ADGRF3: variants seen among roughly 807,000 people sequenced by gnomAD.
ADGRF3 encodes the protein adhesion G protein-coupled receptor F3.
In ADGRF3, 85 loss-of-function variants were observed where a neutral mutation model predicts 93.2. That is an observed-to-expected ratio of 0.91 (90% CI 0.77 to 1.09). The LOEUF (loss-of-function observed/expected upper bound fraction) is 1.09, where lower values mean the gene tolerates loss of function less well. Ranked by LOEUF, ADGRF3 falls within the 50% of genes least tolerant of loss-of-function variation. The pLI is 0.00. For synonymous variants in ADGRF3, 534 were observed against 532.5 expected, an observed-to-expected ratio of 1.00 and a Z score of -0.04; for missense variants, 1,125 against 1,246.2, an observed-to-expected ratio of 0.90 and a Z score of 1.46.
intron 1 of ADGRF3, among the ~76,000 whole-genome samples, chr2:26,332,033 G>A (rs1675798050): frequency 2.0e-5 from 3 of 151,826 alleles, no homozygotes; most frequent in Admixed American, 1.3e-4. Flanking sequence ...TTAGCTTTTA[G>A]TTACACATAT....
At chr2:26,333,828 A>G (rs1675894067) in intron 1 of ADGRF3, among the ~76,000 whole-genome samples, 1 of 152,072 alleles carries the variant, frequency 6.6e-6, no homozygotes, top group African/African-American at 2.4e-5. Flanking sequence ...TATTTTATTT[A>G]CTATTTTTTT....
chr2:26,335,704 G>A (rs571125533), intron 1 of ADGRF3, among the ~76,000 whole-genome samples: 5 of 151,190 alleles, frequency 3.3e-5, no homozygotes, highest in African/African-American at 1.2e-4. Flanking sequence ...TGTATCTTAC[G>A]ACATTAATTT....
At chr2:26,320,742 A>G (rs563480929) in intron 1 of ADGRF3, among the ~76,000 whole-genome samples, 5 of 152,326 alleles carry the variant, frequency 3.3e-5, no homozygotes, top group South Asian at 2.1e-4. Context: ...CAAAATGTCT[A>G]TTAAAAAGGG....
intron 3 of ADGRF3, 127 bp downstream of exon 3, chr2:26,316,785 G>A: frequency 1.9e-6 from 2 of 1,066,010 alleles, no homozygotes. Flanking sequence ...GGGCCACGGA[G>A]ACAGAACCAG....
At chr2:26,316,822 G>C (rs1328036818) in intron 3 of ADGRF3, 90 bp downstream of exon 3, 2 of 1,389,702 alleles carry the variant, frequency 1.4e-6, no homozygotes, top group Admixed American at 4.9e-5. Context: ...GAAATACAGA[G>C]GGGCTCACAG....
intron 1 of ADGRF3, among the ~76,000 whole-genome samples, chr2:26,324,415 G>T (rs543645427): frequency 6.6e-6 from 1 of 152,126 alleles, no homozygotes; most frequent in Admixed American, 6.5e-5. Context: ...GAGTCATGGA[G>T]GTTTGTTGTA....
intron 1 of ADGRF3, among the ~76,000 whole-genome samples, chr2:26,323,189 G>A (rs1426432442): frequency 6.6e-6 from 1 of 152,050 alleles, no homozygotes; most frequent in African/African-American, 2.4e-5. Flanking sequence ...ACAGTCTTAT[G>A]GACCGATCAG....
chr2:26,343,222 G>A (rs1676487580), intron 1 of ADGRF3, among the ~76,000 whole-genome samples: 1 of 151,996 alleles, frequency 6.6e-6, no homozygotes, highest in African/African-American at 2.4e-5. Context: ...ACGGAAACAT[G>A]GTTATATGGA....
intron 1 of ADGRF3, among the ~76,000 whole-genome samples, chr2:26,337,971 C>T (rs563104919): frequency 2.6e-5 from 4 of 152,110 alleles, no homozygotes; most frequent in South Asian, 2.1e-4. Context: ...TGCAGTGAGC[C>T]GAGATCGTGC....
At chr2:26,319,598 C>A (rs1256568110) in intron 1 of ADGRF3, among the ~76,000 whole-genome samples, 1 of 82,108 alleles carries the variant, frequency 1.2e-5, no homozygotes, top group East Asian at 5.2e-4. Flanking sequence ...TTCCTTCCTT[C>A]CTTCCTTCCT....
Position 26,311,288 on chromosome 2 carries a change from T to C in ADGRF3, c.2236A>G (p.Asn746Asp). Residue 746 changes from asparagine to aspartate, a missense_variant, in exon 10 of 14, where the codon AAC becomes GAC. Asn to Asp is a conservative substitution (Grantham distance 23). Transcript: ENST00000651242. ...ISYFRHAALL[N>D]MVFCLLAADT... ...GCGGCCAGCAAGCAGAACACCATGTTGAGCAGGGCGGCGTGGCGGAAATAG... is the reference window on the plus strand; with the variant it reads ...GCGGCCAGCAAGCAGAACACCATGTCGAGCAGGGCGGCGTGGCGGAAATAG... 6.2e-7 allele frequency: 1 copy of C among 1,613,784 alleles called. No individual in the cohort carries two copies. Among genetic ancestry groups the C allele is most frequent in the Non-Finnish European group, 8.5e-7 (1 of 1,179,836 alleles).
Position 26,314,615 on chromosome 2 carries a change from T to C in ADGRF3, c.727A>G (p.Met243Val), listed in dbSNP as rs377194507. ...AAGCCCTGGGCCTCGAAGCAGCTCA[T>C]GTACTCACCTGCAGAAACGTGTGTG... The part of the protein sequence containing the change: ...NMSHHWAGEY[M>V]SCFEAQGFKW... The change falls in exon 6 of 14, where the codon ATG becomes GTG. Residue 243 changes from methionine (M) to valine (V), a missense_variant. Physicochemically the swap from Met to Val is conservative, Grantham distance 21. Coordinates refer to ENST00000651242, the MANE Select transcript of ADGRF3 (RefSeq NM_001321971.2). The C allele has an allele frequency of 4.3e-6, 7 of 1,613,662 alleles. No individual in the cohort carries two copies. Among genetic ancestry groups the C allele is most frequent in the Middle Eastern group, 1.6e-4 (1 of 6,084 alleles).
intron 9 of ADGRF3, among the ~76,000 whole-genome samples, chr2:26,312,739 T>C (rs1674292553): frequency 6.6e-6 from 1 of 152,190 alleles, no homozygotes; most frequent in Non-Finnish European, 1.5e-5. Flanking sequence ...AACCCCCATG[T>C]GCTCCCAGCG....
intron 1 of ADGRF3, among the ~76,000 whole-genome samples, chr2:26,341,450 C>A (rs1300660767): frequency 6.6e-6 from 1 of 152,090 alleles, no homozygotes; most frequent in Non-Finnish European, 1.5e-5. Context: ...CATCCTCCCC[C>A]AGCAACATAG....
In ADGRF3 at chr2:26,311,243, C is replaced by T. The variant is rs148498081; in HGVS notation, c.2281G>A (p.Ala761Thr). 7.0e-5 allele frequency: 112 copies of T among 1,609,364 alleles called. 1 individual carries two copies. Among genetic ancestry groups the T allele is most frequent in the South Asian group, 5.3e-4 (48 of 90,428 alleles). Residue 761 changes from alanine (A) to threonine (T), a missense_variant, in exon 10 of 14, where the codon GCC (alanine) becomes ACC (threonine). Transcript: ENST00000651242. ...CGGGGCCCTGGAGAGAGGAATGGGG[C>T]GCCCAGGAAGCAAGTGTCTGCGGCC... ...LLAADTCFLGAPFLSPGPRSP... is the reference protein window; with the variant it reads ...LLAADTCFLGTPFLSPGPRSP...
rs752261145 is a variant in ADGRF3, at chr2:26,310,083, C to G, written c.2897G>C (p.Arg966Pro). The G allele has an allele frequency of 2.7e-5, 44 of 1,613,912 alleles. No individual in the cohort carries two copies. The highest frequency in any genetic ancestry group is 3.7e-5 in the Non-Finnish European group (44 of 1,179,900). Residue 966 changes from arginine to proline, a missense_variant, in exon 12 of 14, where the codon CGC (arginine) becomes CCC (proline). Transcript: ENST00000651242. ...DRKIQEALRK[R>P]FCRAQAPSST... ...GCTGGGGGCTTGGGCGCGGCAGAAG[C>G]GTTTGCGCAAAGCTTCTTGTATCTG... is the stretch of plus-strand genomic sequence containing the variant.
At chr2:26,319,515 T>A (rs1674979192) in intron 1 of ADGRF3, among the ~76,000 whole-genome samples, 1 of 130,096 alleles carries the variant, frequency 7.7e-6, no homozygotes, top group Admixed American at 7.8e-5. Flanking sequence ...TAGACTAGAA[T>A]CCTCCCTCCC....
At position 26,316,360 on chromosome 2, in the gene ADGRF3, A is replaced by C; in HGVS notation, c.414T>G (p.Pro138=). ...WNTSICLHYP[P]CQSLHNHQPC... is the part of the protein sequence containing the mutation. ...GCTGGTGGTTGTGGAGGCTTTGACA[A>C]GGAGGGTAATGGAGGCAGATGCTGG... Residue 138 remains proline, a synonymous_variant, in exon 4 of 14, where the codon CCT becomes CCG. Coordinates refer to ENST00000651242, the MANE Select transcript of ADGRF3 (RefSeq NM_001321971.2). 6.4e-7 allele frequency: 1 copy of C among 1,551,906 alleles called. No individual in the cohort carries two copies.
At position 26,317,538 on chromosome 2, in the gene ADGRF3, AT is replaced by A. The variant is rs762087276; in HGVS notation, c.138del (p.Glu46AspfsTer41). On this transcript the variant is annotated frameshift_variant, in exon 2 of 14. Transcript: ENST00000651242. LOFTEE classifies it high-confidence loss of function. ...PEKGQSQAGGESGSGQLLDQE... is the reference protein window; with the variant it reads ...PEKGQSQAGGXSGSGQLLDQE... ...TGGTCCAGGAGCTGCCCAGATCCAGATTCCCCTCCAGCCTGACTCTGTCCCT... is the reference window on the plus strand; with the variant it reads ...TGGTCCAGGAGCTGCCCAGATCCAGATCCCCTCCAGCCTGACTCTGTCCCT... 1.3e-5 allele frequency: 20 copies of A among 1,582,778 alleles called. No individual in the cohort carries two copies. In the South Asian group the frequency reaches 2.2e-4, roughly 18 times the overall value.
Sources: allele counts gnomAD v4.1 joint callset (sites outside exome capture counted in the v4.1 genomes callset), GRCh38; gene constraint gnomAD v4.1.1; transcripts MANE v1.5; gene names NCBI Gene and HGNC (gene_info 2026-07-23, HGNC 2026-07-21).